Variants in CYP7B1 observed in about 807,000 individuals in gnomAD.
CYP7B1 encodes the protein cytochrome P450 family 7 subfamily B member 1.
Under a neutral mutation model 42.7 loss-of-function variants are expected in CYP7B1, and 29 were observed. The ratio of observed to expected loss-of-function variants is 0.68; its 90% CI spans 0.51 to 0.93. CYP7B1 has a LOEUF of 0.93. Among genes scored for constraint, CYP7B1 ranks in the 40% least tolerant of loss-of-function variants. CYP7B1 has a pLI of 0.00. For missense variants in CYP7B1, 655 were observed against 600.5 expected (o/e 1.09, Z -0.95); for synonymous variants, 235 against 218.2 (o/e 1.08, Z -0.68).
chr8:64,738,039 CT>C (rs1268024502), intron 1 of CYP7B1, among the ~76,000 whole-genome samples: 7 of 152,194 alleles, frequency 4.6e-5, no homozygotes, highest in Admixed American at 4.6e-4. Context: ...GAAAAGGAGA[CT>C]CTCTTTCAGA....
chr8:64,642,448 G>C (rs542433403), intron 1 of CYP7B1, among the ~76,000 whole-genome samples: 1 of 152,166 alleles, frequency 6.6e-6, no homozygotes, highest in South Asian at 2.1e-4. Flanking sequence ...AGGATCCCCA[G>C]GGAAGATTTT....
At chr8:64,675,846 T>C (rs1806438123) in intron 1 of CYP7B1, among the ~76,000 whole-genome samples, 1 of 152,108 alleles carries the variant, frequency 6.6e-6, no homozygotes, top group Admixed American at 6.6e-5. Flanking sequence ...AAACCAACTT[T>C]TGTATATAGC....
chr8:64,687,279 C>T (rs1012011706), intron 1 of CYP7B1, among the ~76,000 whole-genome samples: 3 of 152,152 alleles, frequency 2.0e-5, no homozygotes, highest in South Asian at 2.1e-4. Flanking sequence ...TATTAATTCA[C>T]GTGACAACTT....
chr8:64,710,731 A>T (rs1807067589), intron 1 of CYP7B1, among the ~76,000 whole-genome samples: 1 of 151,866 alleles, frequency 6.6e-6, no homozygotes. Context: ...TGAGCAACAG[A>T]TGAATACAAA....
At chr8:64,665,184 A>C (rs1440532942) in intron 1 of CYP7B1, among the ~76,000 whole-genome samples, 1 of 152,190 alleles carries the variant, frequency 6.6e-6, no homozygotes, top group Non-Finnish European at 1.5e-5. Flanking sequence ...ACTCCAATTA[A>C]AAGTTATGAT....
At position 64,615,800 on chromosome 8, in the gene CYP7B1, T is replaced by C. The variant is rs1287224123; in HGVS notation, c.741A>G (p.Lys247=). 1 of 1,613,798 alleles carries C rather than the reference T, an allele frequency of 6.2e-7. No homozygotes were observed. ...NVKSIREKII[K]CFSSEKLAKM... The stretch of plus-strand genomic sequence containing the variant: ...TGGCTAACTTTTCTGATGAGAAGCA[T>C]TTTATAATTTTCTCTCTAATAGACT... Residue 247 remains lysine, a synonymous_variant, in exon 3 of 6, where the codon AAA becomes AAG. Transcript: ENST00000310193.
At chr8:64,698,895 T>C (rs1806872195) in intron 1 of CYP7B1, among the ~76,000 whole-genome samples, 1 of 152,184 alleles carries the variant, frequency 6.6e-6, no homozygotes. Flanking sequence ...TCATTAGAAA[T>C]TTAAAGGATT....
chr8:64,645,970 T>C (rs1585829287), intron 1 of CYP7B1, among the ~76,000 whole-genome samples: 2 of 152,190 alleles, frequency 1.3e-5, no homozygotes, highest in African/African-American at 2.4e-5. Context: ...ATTTAATAAA[T>C]GGTGGTGGGA....
chr8:64,661,274 G>GC (rs753156893), intron 1 of CYP7B1, among the ~76,000 whole-genome samples: 41 of 152,136 alleles, frequency 2.7e-4, no homozygotes, highest in Admixed American at 1.2e-3. Context: ...AATGTCATAG[G>GC]TTTCTTCGAG....
At chr8:64,612,139 ACTTTT>A (rs1805372459) in intron 4 of CYP7B1, among the ~76,000 whole-genome samples, 1 of 151,852 alleles carries the variant, frequency 6.6e-6, no homozygotes, top group Admixed American at 6.6e-5. Flanking sequence ...TATCTTTTAT[ACTTTT>A]CTTTTTCCTA....
At chr8:64,647,282 C>T (rs564504292) in intron 1 of CYP7B1, among the ~76,000 whole-genome samples, 15 of 152,048 alleles carry the variant, frequency 9.9e-5, no homozygotes, top group Non-Finnish European at 1.3e-4. Flanking sequence ...AGATCACTGA[C>T]CACAGATCAC....
chr8:64,782,464 A>T (rs1218907892), intron 1 of CYP7B1, among the ~76,000 whole-genome samples: 1 of 152,162 alleles, frequency 6.6e-6, no homozygotes, highest in African/African-American at 2.4e-5. Context: ...CAACTGCTGG[A>T]ACCTTCATCT....
intron 1 of CYP7B1, among the ~76,000 whole-genome samples, chr8:64,639,866 C>T (rs1322168319): frequency 6.6e-6 from 1 of 151,766 alleles, no homozygotes; most frequent in East Asian, 1.9e-4. Flanking sequence ...ATTCATATGT[C>T]TATTGATTAG....
At chr8:64,605,362 TA>T (rs1805263914) in intron 4 of CYP7B1, among the ~76,000 whole-genome samples, 2 of 152,304 alleles carry the variant, frequency 1.3e-5, no homozygotes, top group South Asian at 4.2e-4. Context: ...TAGCTGTAAA[TA>T]AAATGTGAGT....
intron 4 of CYP7B1, among the ~76,000 whole-genome samples, chr8:64,609,841 T>C (rs1490779544): frequency 1.3e-5 from 2 of 152,188 alleles, no homozygotes; most frequent in African/African-American, 2.4e-5. Flanking sequence ...TCCAGTCTAA[T>C]GGAATCAGAA....
chr8:64,643,593 A>G (rs984175228), intron 1 of CYP7B1, among the ~76,000 whole-genome samples: 1 of 152,172 alleles, frequency 6.6e-6, no homozygotes, highest in African/African-American at 2.4e-5. Flanking sequence ...AGTTTGTCGC[A>G]TCAATTGACT....
intron 1 of CYP7B1, among the ~76,000 whole-genome samples, chr8:64,661,760 G>A (rs1236242428): frequency 6.6e-6 from 1 of 152,158 alleles, no homozygotes; most frequent in African/African-American, 2.4e-5. Context: ...TTAAGCTGTG[G>A]CTCTCAACTG....
rs1330382474 is a variant in CYP7B1 at position 64,593,045 on chromosome 8, T to C, written c.*3597A>G. ...TCTAAATTCCTGTACACATTTCCAG[T>C]TATAAAATAAGCCGAAATTGGAATG... is the stretch of plus-strand genomic sequence containing the variant. On this transcript the variant is annotated 3_prime_UTR_variant, in exon 6 of 6. Coordinates refer to ENST00000310193, the MANE Select transcript of CYP7B1 (RefSeq NM_004820.5). Among the ~76,000 whole-genome samples the C allele has an allele frequency of 6.6e-6, 1 of 152,214 alleles. No individual in the cohort carries two copies. Among genetic ancestry groups the C allele is most frequent in the Non-Finnish European group, 1.5e-5 (1 of 68,040 alleles).
rs553680320 is a variant in CYP7B1, at chr8:64,625,908, T to C, written c.123-1369A>G. ...ATTATATTCTTATATAATAAAGGTATAGAGGGATGATGCATTATGGGATTT... is the reference window on the plus strand; with the variant it reads ...ATTATATTCTTATATAATAAAGGTACAGAGGGATGATGCATTATGGGATTT... On this transcript the variant is annotated intron_variant, in intron 1 of 5. Transcript: ENST00000310193. Among the ~76,000 whole-genome samples, 6 of 152,076 alleles carry C rather than the reference T, an allele frequency of 3.9e-5. No homozygotes were observed. The South Asian group carries it at 1.2e-3, about 32-fold the overall frequency.
Sources: gnomAD v4.1 joint callset for allele counts (sites outside exome capture counted in the v4.1 genomes callset) on GRCh38, gnomAD v4.1.1 for gene constraint, MANE v1.5 for transcripts, NCBI Gene and HGNC (gene_info 2026-07-23, HGNC 2026-07-21) for gene names.